CDC42SE2: variants seen among roughly 807,000 people sequenced by gnomAD.
CDC42SE2 encodes CDC42 small effector 2.
Under a neutral mutation model 11.5 loss-of-function variants are expected in CDC42SE2, and 3 were observed. The ratio of observed to expected loss-of-function variants is 0.26; its 90% CI spans 0.12 to 0.67. The LOEUF (loss-of-function observed/expected upper bound fraction) is 0.67, where lower values mean the gene tolerates loss of function less well. CDC42SE2 is among the 30% of genes least tolerant of loss of function. CDC42SE2 has a pLI of 0.80. For synonymous variants in CDC42SE2, 33 were observed against 34.8 expected (o/e 0.95, Z 0.18); for missense variants, 82 against 106.8 (o/e 0.77, Z 1.02).
At chr5:131,312,879 A>G (rs1164943121) in intron 1 of CDC42SE2, among the ~76,000 whole-genome samples, 1 of 152,128 alleles carries the variant, frequency 6.6e-6, no homozygotes. Flanking sequence ...CCTCAGATGG[A>G]AATGCAGAAA....
At chr5:131,308,584 G>T (rs373791467) in intron 1 of CDC42SE2, among the ~76,000 whole-genome samples, 2 of 151,722 alleles carry the variant, frequency 1.3e-5, no homozygotes, top group African/African-American at 4.8e-5. Context: ...TGAGCATGGA[G>T]TGTTCTTCCA....
At chr5:131,298,482 A>C (rs752491218) in intron 1 of CDC42SE2, among the ~76,000 whole-genome samples, 2 of 151,394 alleles carry the variant, frequency 1.3e-5, no homozygotes, top group Non-Finnish European at 2.9e-5. Flanking sequence ...TGAACTGTGG[A>C]TATTATTTAG....
At chr5:131,297,805 G>A (rs553100030) in intron 1 of CDC42SE2, among the ~76,000 whole-genome samples, 2 of 151,840 alleles carry the variant, frequency 1.3e-5, no homozygotes, top group Non-Finnish European at 2.9e-5. Context: ...CCTTTTTGAT[G>A]TCATTTTACC....
At chr5:131,295,919 T>C (rs1005710365) in intron 1 of CDC42SE2, among the ~76,000 whole-genome samples, 5 of 151,874 alleles carry the variant, frequency 3.3e-5, no homozygotes, top group Admixed American at 3.3e-4. Context: ...CCTCCTGACC[T>C]CATGATCTGC....
intron 2 of CDC42SE2, among the ~76,000 whole-genome samples, chr5:131,255,754 C>T (rs962945642): frequency 5.9e-5 from 9 of 151,616 alleles, no homozygotes; most frequent in African/African-American, 9.7e-5. Context: ...AGCAAGACTC[C>T]GTCTCAGAAA....
chr5:131,335,698 A>G (rs893070531), intron 2 of CDC42SE2, among the ~76,000 whole-genome samples: 1 of 152,174 alleles, frequency 6.6e-6, no homozygotes, highest in Non-Finnish European at 1.5e-5. Context: ...CTTCTTGTTG[A>G]ATTGATCCCT....
chr5:131,350,090 A>T (rs964867596), intron 2 of CDC42SE2, among the ~76,000 whole-genome samples: 1 of 152,078 alleles, frequency 6.6e-6, no homozygotes, highest in Admixed American at 6.5e-5. Flanking sequence ...AAAAAAATCA[A>T]ATATATTTGT....
chr5:131,359,406 C>A lies in CDC42SE2; in HGVS notation c.-88C>A. On this transcript the variant is annotated 5_prime_UTR_variant, in exon 3 of 5. Transcript: ENST00000505065. ...AAAATTTCATCTTGGCATCACTGGA[C>A]ATCATCGTATTGAGGAGCGTATTTT... 1 of 907,914 alleles carries A rather than the reference C, an allele frequency of 1.1e-6. No individual in the cohort carries two copies. Among genetic ancestry groups the A allele is most frequent in the Non-Finnish European group, 1.9e-6 (1 of 535,880 alleles). The allele number at this position is 907,914 out of a possible 1,614,324, so 56.2% of individuals were successfully genotyped here. A position where few individuals can be genotyped will look rare whatever the true frequency, so the allele number is the denominator to read the frequency against.
intron 3 of CDC42SE2, among the ~76,000 whole-genome samples, chr5:131,372,518 C>T (rs1580784638): frequency 6.6e-6 from 1 of 151,980 alleles, no homozygotes; most frequent in South Asian, 2.1e-4. Flanking sequence ...TAAAGACCAT[C>T]CTGGCTAACA....
chr5:131,345,828 G>C (rs1450068085), intron 2 of CDC42SE2, among the ~76,000 whole-genome samples: 213 of 143,240 alleles, frequency 1.5e-3, no homozygotes, highest in South Asian at 3.3e-3. Context: ...AGCCAGAAGA[G>C]AGTGGGGGCC....
chr5:131,321,639 A>G (rs890820999), intron 2 of CDC42SE2, among the ~76,000 whole-genome samples: 1 of 152,204 alleles, frequency 6.6e-6, no homozygotes, highest in African/African-American at 2.4e-5. Context: ...AAGGCTACAC[A>G]AGAAGCTAAT....
At chr5:131,369,852 T>G (rs1446564923) in intron 3 of CDC42SE2, among the ~76,000 whole-genome samples, 1 of 152,234 alleles carries the variant, frequency 6.6e-6, no homozygotes, top group Non-Finnish European at 1.5e-5. Flanking sequence ...CACATTTAGA[T>G]AAACTGAAGC....
chr5:131,255,845 G>A (rs1756675502), intron 2 of CDC42SE2, among the ~76,000 whole-genome samples: 1 of 152,140 alleles, frequency 6.6e-6, no homozygotes, highest in Non-Finnish European at 1.5e-5. Flanking sequence ...TATGCTGCAG[G>A]CATTGAGATT....
chr5:131,349,235 A>C (rs530996021), intron 2 of CDC42SE2, among the ~76,000 whole-genome samples: 2 of 151,498 alleles, frequency 1.3e-5, no homozygotes, highest in East Asian at 3.9e-4. Context: ...TGAACAAACT[A>C]TCGCAAGGAC....
chr5:131,325,177 G>A (rs996709839), intron 2 of CDC42SE2, among the ~76,000 whole-genome samples: 33 of 151,964 alleles, frequency 2.2e-4, no homozygotes, highest in African/African-American at 8.0e-4. Context: ...CTTTCTTTTG[G>A]ACTAGTCAGG....
At chr5:131,389,072 G>A (rs926616335) in intron 4 of CDC42SE2, among the ~76,000 whole-genome samples, 1 of 152,118 alleles carries the variant, frequency 6.6e-6, no homozygotes, top group Non-Finnish European at 1.5e-5. Flanking sequence ...CTGGGCTCAA[G>A]TTATCTGCCT....
At chr5:131,328,145 G>GT (rs1225722202) in intron 2 of CDC42SE2, among the ~76,000 whole-genome samples, 2 of 152,066 alleles carry the variant, frequency 1.3e-5, no homozygotes, top group Non-Finnish European at 2.9e-5. Context: ...TCCAATGCAT[G>GT]TTTTTTTGGG....
intron 1 of CDC42SE2, among the ~76,000 whole-genome samples, chr5:131,311,040 T>C (rs1354469676): frequency 6.6e-6 from 1 of 151,572 alleles, no homozygotes; most frequent in Non-Finnish European, 1.5e-5. Flanking sequence ...CTAGTCTGGA[T>C]GGTCTTTACA....
At chr5:131,282,926 GC>G (rs1252668576) in intron 1 of CDC42SE2, among the ~76,000 whole-genome samples, 23 of 145,448 alleles carry the variant, frequency 1.6e-4, no homozygotes, top group African/African-American at 5.9e-4. Flanking sequence ...ACTGCACCTG[GC>G]CCTTTTTTTT....
Sources: allele counts gnomAD v4.1 joint callset (sites outside exome capture counted in the v4.1 genomes callset), GRCh38; gene constraint gnomAD v4.1.1; transcripts MANE v1.5; gene names NCBI Gene and HGNC (gene_info 2026-07-23, HGNC 2026-07-21).